The following GPHN variants were observed in gnomAD, a reference collection of about 807,000 sequenced individuals.
GPHN encodes the protein gephyrin.
A neutral mutation model predicts 95.5 loss-of-function variants in GPHN; 17 were observed. That is an observed-to-expected ratio of 0.18 (90% CI 0.12 to 0.27). GPHN has a LOEUF of 0.27. Among genes scored for constraint, GPHN ranks in the 10% least tolerant of loss-of-function variants. The probability of loss-of-function intolerance (pLI) is 1.00; values close to 1 mark genes in which losing one functional copy is unlikely to be tolerated. For synonymous variants in GPHN, 320 were observed against 322.5 expected, an observed-to-expected ratio of 0.99 and a Z score of 0.08; for missense variants, 660 against 978.1, an observed-to-expected ratio of 0.67 and a Z score of 4.34.
intron 2 of GPHN, among the ~76,000 whole-genome samples, chr14:66,684,155 A>G (rs569924232): frequency 6.6e-6 from 1 of 152,188 alleles, no homozygotes; most frequent in Non-Finnish European, 1.5e-5. Flanking sequence ...GCAGATTTTT[A>G]TTATGACTCA....
intron 1 of GPHN, among the ~76,000 whole-genome samples, chr14:66,615,875 T>A (rs545641383): frequency 6.6e-6 from 1 of 152,196 alleles, no homozygotes. Context: ...AAGTCTTTAA[T>A]CCATCTTGAG....
chr14:66,686,144 C>T (rs1342257645), intron 2 of GPHN, among the ~76,000 whole-genome samples: 1 of 152,166 alleles, frequency 6.6e-6, no homozygotes, highest in African/African-American at 2.4e-5. Context: ...GGTTTGGTTA[C>T]TGTAGCCTTG....
intron 5 of GPHN, among the ~76,000 whole-genome samples, chr14:66,883,365 G>C (rs576609055): frequency 9.2e-4 from 139 of 151,454 alleles, no homozygotes; most frequent in African/African-American, 3.3e-3. Flanking sequence ...TGGTTTTTTT[G>C]TTAATGGTTT....
intron 16 of GPHN, 101 bp from the exon 17 acceptor site, chr14:67,122,155 G>A: frequency 2.7e-6 from 3 of 1,096,402 alleles, no homozygotes; most frequent in Non-Finnish European, 4.2e-6. Context: ...ACCATTGTAG[G>A]TGCTAGATAT....
At chr14:67,419,135 G>C in the GPHN span, among the ~76,000 whole-genome samples, 51,156 of 151,666 alleles carry the variant, frequency 0.34, 12,825 homozygotes, top group African/African-American at 0.69. Flanking sequence ...CCCTTCCCTC[G>C]CCTCCTTCCA....
At chr14:67,117,500 A>T (rs1254500489) in intron 16 of GPHN, among the ~76,000 whole-genome samples, 1 of 152,172 alleles carries the variant, frequency 6.6e-6, no homozygotes, top group Non-Finnish European at 1.5e-5. Flanking sequence ...AGGGAAAAAT[A>T]GCACTTAAAT....
intron 2 of GPHN, among the ~76,000 whole-genome samples, chr14:66,722,500 G>C (rs2070852229): frequency 6.6e-6 from 1 of 152,158 alleles, no homozygotes; most frequent in South Asian, 2.1e-4. Flanking sequence ...CTGGAGTGCA[G>C]TGTAGCTATC....
the GPHN span, among the ~76,000 whole-genome samples, chr14:67,240,060 C>T: frequency 6.6e-6 from 1 of 152,136 alleles, no homozygotes; most frequent in Admixed American, 6.5e-5. Context: ...CACCTGTATT[C>T]GAAGCCTACT....
chr14:66,731,521 C>CTG (rs2071765058), intron 2 of GPHN, among the ~76,000 whole-genome samples: 1 of 152,222 alleles, frequency 6.6e-6, no homozygotes, highest in Non-Finnish European at 1.5e-5. Flanking sequence ...CATTTTGCCC[C>CTG]TGCCCTAGAA....
chr14:67,157,681 G>A (rs530604260), intron 18 of GPHN, among the ~76,000 whole-genome samples: 1 of 152,070 alleles, frequency 6.6e-6, no homozygotes, highest in African/African-American at 2.4e-5. Flanking sequence ...AAAATTCGCC[G>A]GGCATGGTGG....
At chr14:66,590,687 A>T (rs1258810074) in intron 1 of GPHN, among the ~76,000 whole-genome samples, 1 of 152,196 alleles carries the variant, frequency 6.6e-6, no homozygotes, top group East Asian at 1.9e-4. Flanking sequence ...AAAAATACCC[A>T]GGACCAGACA....
At chr14:67,288,964 CTTTT>C in the GPHN span, among the ~76,000 whole-genome samples, 1,374 of 107,062 alleles carry the variant, frequency 0.013, 19 homozygotes, top group African/African-American at 0.039. Context: ...TCTTTATTTC[CTTTT>C]TTTTTTTTTT....
chr14:66,969,920 G>A (rs1210601307), intron 9 of GPHN: 1 of 151,652 alleles, frequency 6.6e-6, no homozygotes, highest in Non-Finnish European at 1.5e-5. Context: ...CATTTTAGAT[G>A]TTATTAAAAT....
intron 2 of GPHN, among the ~76,000 whole-genome samples, chr14:66,691,966 A>G (rs995793163): frequency 2.6e-5 from 4 of 152,190 alleles, no homozygotes; most frequent in African/African-American, 7.2e-5. Flanking sequence ...TTCTTTTTCT[A>G]TGTTTGACAA....
At chr14:66,938,887 ACT>A (rs2067256721) in intron 8 of GPHN, among the ~76,000 whole-genome samples, 1 of 152,112 alleles carries the variant, frequency 6.6e-6, no homozygotes, top group South Asian at 2.1e-4. Flanking sequence ...TAAACTAAAA[ACT>A]CTTGCAAATA....
At chr14:67,615,456 G>A in the GPHN span, 1 of 293,156 alleles carries the variant, frequency 3.4e-6, no homozygotes, top group Non-Finnish European at 6.8e-6. Context: ...AGGCAACTCT[G>A]TGCCTCGCTG....
rs540915228 is a variant in GPHN, at chr14:66,711,843, T to G, written c.143+30658T>G. The stretch of plus-strand genomic sequence containing the variant: ...CCTATCAGTGAGAACATATGGTGTT[T>G]GGTTTTCTGTCCTTGTGGTGGTTTG... On this transcript the variant is annotated intron_variant, in intron 2 of 22. Transcript: ENST00000478722. Among the ~76,000 whole-genome samples, 363 of 152,184 alleles carry G rather than the reference T, an allele frequency of 2.4e-3. 4 individuals are homozygous for G. Among genetic ancestry groups the G allele is most frequent in the African/African-American group, 8.2e-3 (342 of 41,516 alleles).
chr14:67,725,355 C>T, the GPHN span: 1,446 of 1,218,282 alleles, frequency 1.2e-3, 2 homozygotes, highest in Middle Eastern at 3.5e-3. Flanking sequence ...CCATCATCCA[C>T]CCCACTAGAC....
the GPHN span, among the ~76,000 whole-genome samples, chr14:67,675,054 A>T: frequency 6.6e-6 from 1 of 152,270 alleles, no homozygotes; most frequent in Non-Finnish European, 1.5e-5. Flanking sequence ...CGTCGTCCTC[A>T]CTGTCATCGC....
Sources: allele counts gnomAD v4.1 joint callset (sites outside exome capture counted in the v4.1 genomes callset), GRCh38; gene constraint gnomAD v4.1.1; transcripts MANE v1.5; gene names NCBI Gene and HGNC (gene_info 2026-07-23, HGNC 2026-07-21).